Variants in CNTN3 observed in about 807,000 individuals in gnomAD.
The protein encoded by CNTN3 is contactin-3.
CNTN3 carries 60 observed loss-of-function variants against 119.1 expected under a neutral mutation model. The observed-to-expected ratio is 0.50, with a 90% CI of 0.41 to 0.62. The LOEUF is 0.62. CNTN3 is among the 20% of genes least tolerant of loss of function. The probability of loss-of-function intolerance (pLI) is 0.00; values close to 1 mark genes in which losing one functional copy is unlikely to be tolerated. For synonymous variants in CNTN3, 450 were observed against 438.7 expected, an observed-to-expected ratio of 1.03 and a Z score of -0.32; for missense variants, 1,101 against 1,242.4, an observed-to-expected ratio of 0.89 and a Z score of 1.71.
chr3:74,602,370 G>T (rs1328109589), intron 1 of CNTN3, among the ~76,000 whole-genome samples: 1 of 148,414 alleles, frequency 6.7e-6, no homozygotes, highest in Non-Finnish European at 1.5e-5. Flanking sequence ...CAATGTGACA[G>T]AGTGAGAGAT....
chr3:74,589,191 T>C (rs1253145085), intron 1 of CNTN3, among the ~76,000 whole-genome samples: 1 of 152,010 alleles, frequency 6.6e-6, no homozygotes, highest in African/African-American at 2.4e-5. Flanking sequence ...GGGAGAAAAT[T>C]TTTGTGACCT....
At chr3:74,496,675 T>G (rs778282491) in intron 3 of CNTN3, among the ~76,000 whole-genome samples, 9 of 152,042 alleles carry the variant, frequency 5.9e-5, no homozygotes, top group Non-Finnish European at 2.9e-5. Context: ...ATATTTCCCA[T>G]TTAGAAAAAG....
intron 16 of CNTN3, among the ~76,000 whole-genome samples, chr3:74,300,986 C>T (rs1288546582): frequency 1.3e-5 from 2 of 152,148 alleles, no homozygotes; most frequent in East Asian, 3.9e-4. Context: ...TGCTTAAGCT[C>T]CTTCACTAAG....
At chr3:74,456,871 T>C (rs1336443383) in intron 4 of CNTN3, among the ~76,000 whole-genome samples, 1 of 151,904 alleles carries the variant, frequency 6.6e-6, no homozygotes, top group African/African-American at 2.4e-5. Context: ...ATCAAATTAC[T>C]GAGATTACAC....
chr3:74,561,379 C>A (rs62268771), intron 1 of CNTN3, among the ~76,000 whole-genome samples: 3,255 of 152,148 alleles, frequency 0.021, 44 homozygotes, highest in Non-Finnish European at 0.031. Flanking sequence ...CCTGCAAGAG[C>A]CACATGTTCC....
intron 22 of CNTN3, 40 bp downstream of exon 22, chr3:74,266,441 C>T: frequency 6.3e-7 from 1 of 1,581,920 alleles, no homozygotes; most frequent in Non-Finnish European, 8.7e-7. Flanking sequence ...GATAGTAACA[C>T]TGATGTCAAT....
chr3:74,310,385 A>C (rs2106835499), intron 13 of CNTN3, among the ~76,000 whole-genome samples: 1 of 152,258 alleles, frequency 6.6e-6, no homozygotes, highest in East Asian at 1.9e-4. Context: ...CTGTTCAGTA[A>C]TGTGTAAGTT....
At chr3:74,513,118 C>G (rs1283442137) in intron 2 of CNTN3, among the ~76,000 whole-genome samples, 1 of 152,108 alleles carries the variant, frequency 6.6e-6, no homozygotes, top group African/African-American at 2.4e-5. Context: ...CCTTTACTTA[C>G]TGGGTGACAT....
chr3:74,428,708 T>C (rs1701736218), intron 4 of CNTN3, among the ~76,000 whole-genome samples: 1 of 152,224 alleles, frequency 6.6e-6, no homozygotes, highest in South Asian at 2.1e-4. Context: ...ACAGTGTTTA[T>C]GAAGTCTACA....
At chr3:74,377,448 G>T (rs915325356) in intron 5 of CNTN3, among the ~76,000 whole-genome samples, 1 of 152,072 alleles carries the variant, frequency 6.6e-6, no homozygotes, top group African/African-American at 2.4e-5. Context: ...AATGTTAATT[G>T]TATCACAGCA....
intron 11 of CNTN3, among the ~76,000 whole-genome samples, chr3:74,340,384 G>C (rs1703505134): frequency 6.6e-6 from 1 of 152,104 alleles, no homozygotes; most frequent in Non-Finnish European, 1.5e-5. Flanking sequence ...AGTAAACAGA[G>C]AGGGAGAGAC....
At chr3:74,391,029 C>T (rs1035663252) in intron 5 of CNTN3, among the ~76,000 whole-genome samples, 3 of 152,142 alleles carry the variant, frequency 2.0e-5, no homozygotes, top group African/African-American at 7.2e-5. Flanking sequence ...AGGAATTAAA[C>T]ACATAATAGC....
intron 11 of CNTN3, 79 bp from the exon 12 acceptor site, chr3:74,336,737 C>T: frequency 8.5e-7 from 1 of 1,181,048 alleles, no homozygotes; most frequent in East Asian, 2.7e-5. Context: ...TTTTACAGAA[C>T]ATGTTGCCTT....
At chr3:74,449,710 G>A (rs1702112813) in intron 4 of CNTN3, among the ~76,000 whole-genome samples, 1 of 152,066 alleles carries the variant, frequency 6.6e-6, no homozygotes, top group African/African-American at 2.4e-5. Context: ...AGCCTGGGTT[G>A]GCTGAAGTCA....
At chr3:74,450,965 A>T (rs553173936) in intron 4 of CNTN3, among the ~76,000 whole-genome samples, 3 of 152,216 alleles carry the variant, frequency 2.0e-5, no homozygotes, top group South Asian at 2.1e-4. Flanking sequence ...ATAGTGCTGC[A>T]ATAAACATAC....
chr3:74,485,948 A>T (rs1283490579), intron 4 of CNTN3, among the ~76,000 whole-genome samples: 1 of 151,918 alleles, frequency 6.6e-6, no homozygotes, highest in Non-Finnish European at 1.5e-5. Flanking sequence ...CTGTGATAAG[A>T]CCCCAGAGGA....
intron 1 of CNTN3, among the ~76,000 whole-genome samples, chr3:74,565,121 T>G (rs1704207569): frequency 6.6e-6 from 1 of 152,172 alleles, no homozygotes; most frequent in Non-Finnish European, 1.5e-5. Flanking sequence ...ATTTGTTTCC[T>G]ATTGCTACTA....
Position 74,334,892 on chromosome 3 carries a change from A to G in CNTN3, c.1511T>C (p.Leu504Ser). 6.2e-7 allele frequency: 1 copy of G among 1,609,462 alleles called. No homozygotes were observed. Among genetic ancestry groups the G allele is most frequent in the East Asian group, 2.2e-5 (1 of 44,838 alleles). The change falls in exon 13 of 23, where the codon TTG becomes TCG. Residue 504 changes from leucine to serine, a missense_variant. Leu to Ser is a moderately radical substitution (Grantham distance 145). Coordinates refer to ENST00000263665, the MANE Select transcript of CNTN3 (RefSeq NM_020872.3). ...LVVTEPTRIT[L>S]APSNMDVSVG... ...AGAAACATCCATGTTAGATGGTGCC[A>G]AAGTTATTCTTGTTGGTTCTATTGG... is the stretch of plus-strand genomic sequence containing the variant.
intron 3 of CNTN3, among the ~76,000 whole-genome samples, chr3:74,497,235 T>C (rs949155931): frequency 7.2e-5 from 11 of 151,914 alleles, no homozygotes; most frequent in Middle Eastern, 3.4e-3. Flanking sequence ...TGAAGGACAA[T>C]AAAAAAATAG....
Sources: gnomAD v4.1 joint callset for allele counts (sites outside exome capture counted in the v4.1 genomes callset) on GRCh38, gnomAD v4.1.1 for gene constraint, MANE v1.5 for transcripts, NCBI Gene and HGNC (gene_info 2026-07-23, HGNC 2026-07-21) for gene names.